PTPRD: variants seen among roughly 807,000 people sequenced by gnomAD.
The protein encoded by PTPRD is receptor-type tyrosine-protein phosphatase delta.
In PTPRD, 34 loss-of-function variants were observed where a neutral mutation model predicts 214.5. The ratio of observed to expected loss-of-function variants is 0.16; its 90% CI spans 0.12 to 0.21. The LOEUF is 0.21. Among genes scored for constraint, PTPRD ranks in the 10% least tolerant of loss-of-function variants. PTPRD has a pLI of 1.00. For synonymous variants in PTPRD, 1,128 were observed against 845.7 expected, an observed-to-expected ratio of 1.33 and a Z score of -5.79; for missense variants, 2,545 against 2,398.7, an observed-to-expected ratio of 1.06 and a Z score of -1.27.
rs1491417822 is a variant in PTPRD at position 10,487,967 on chromosome 9, T to TCTCC, written c.-600+124430_-600+124431insGGAG. 2.8e-3 allele frequency among the ~76,000 whole-genome samples: 16 copies of TCTCC among 5,706 alleles called. 1 individual carries two copies. Among genetic ancestry groups the TCTCC allele is most frequent in the African/African-American group, 5.3e-3 (16 of 3,010 alleles). 3.7% of individuals were successfully genotyped at this position (5,706 alleles called of 152,430 possible). A position where few individuals can be genotyped will look rare whatever the true frequency, so the allele number is the denominator to read the frequency against. On this transcript the variant is annotated intron_variant, in intron 2 of 45. Transcript: ENST00000381196. ...CTTAATTTCTCCCAAATGAACACAG[T>TCTCC]CTCTCTCTCTCTCTCTCTCTCTCTC...
chr9:10,133,619 A>AATAATAT (rs1304074129), intron 3 of PTPRD, among the ~76,000 whole-genome samples: 1 of 152,170 alleles, frequency 6.6e-6, no homozygotes, highest in African/African-American at 2.4e-5. Flanking sequence ...TATAGTATGA[A>AATAATAT]ATATAACTAT....
At chr9:9,635,594 A>G (rs1490716167) in intron 7 of PTPRD, among the ~76,000 whole-genome samples, 1 of 152,148 alleles carries the variant, frequency 6.6e-6, no homozygotes, top group African/African-American at 2.4e-5. Context: ...AGATTTAAGG[A>G]ACTCAAATGC....
At chr9:8,353,890 A>ATG (rs2076253124) in intron 39 of PTPRD, among the ~76,000 whole-genome samples, 1 of 108,142 alleles carries the variant, frequency 9.2e-6, no homozygotes, top group Admixed American at 8.3e-5. Context: ...ATGTGTATAT[A>ATG]TGTATATATG....
intron 11 of PTPRD, among the ~76,000 whole-genome samples, chr9:8,995,312 T>C (rs994902682): frequency 5.9e-5 from 9 of 152,054 alleles, no homozygotes; most frequent in Admixed American, 1.3e-4. Context: ...CATTGACCTA[T>C]TCACAAGTAA....
chr9:10,333,570 A>G (rs1427926078), intron 3 of PTPRD, among the ~76,000 whole-genome samples: 1 of 151,856 alleles, frequency 6.6e-6, no homozygotes, highest in African/African-American at 2.4e-5. Flanking sequence ...GTTTGAGAAT[A>G]TGGAAAGGCT....
In PTPRD at chr9:10,315,450, G is replaced by A. The variant is rs532094373; in HGVS notation, c.-545+25513C>T. On this transcript the variant is annotated intron_variant, in intron 3 of 45. Transcript: ENST00000381196. ...TTGGAATGTCTATATGAAACTATAG[G>A]TTTCATATATGAAACAATTAAACAA... Among the ~76,000 whole-genome samples the A allele has an allele frequency of 4.6e-5, 7 of 151,840 alleles. No individual in the cohort carries two copies. The South Asian group carries it at 1.2e-3, about 27-fold the overall frequency.
At chr9:8,953,997 A>T (rs951607883) in intron 11 of PTPRD, among the ~76,000 whole-genome samples, 10 of 151,984 alleles carry the variant, frequency 6.6e-5, no homozygotes, top group Admixed American at 4.6e-4. Context: ...TACTAGTTAT[A>T]TACCCAAAGT....
chr9:8,727,604 G>A (rs2098599072), intron 12 of PTPRD, among the ~76,000 whole-genome samples: 2 of 152,130 alleles, frequency 1.3e-5, no homozygotes, highest in African/African-American at 4.8e-5. Flanking sequence ...AAAGAACTAG[G>A]GTAAGCAGAA....
chr9:10,141,864 A>G (rs2154267800), intron 3 of PTPRD, among the ~76,000 whole-genome samples: 1 of 152,290 alleles, frequency 6.6e-6, no homozygotes, highest in African/African-American at 2.4e-5. Flanking sequence ...CTACAAGGCT[A>G]CAGTAACCAA....
chr9:10,561,739 T>C (rs1331185163), intron 2 of PTPRD, among the ~76,000 whole-genome samples: 1 of 152,144 alleles, frequency 6.6e-6, no homozygotes, highest in African/African-American at 2.4e-5. Context: ...ATAATCTTTC[T>C]GCACTCAATT....
At chr9:9,447,766 T>G (rs577619271) in intron 8 of PTPRD, among the ~76,000 whole-genome samples, 84 of 152,174 alleles carry the variant, frequency 5.5e-4, no homozygotes, top group Non-Finnish European at 1.0e-3. Flanking sequence ...GGTACCTCAG[T>G]ATGTGAAATA....
chr9:8,389,133 G>C (rs2088464619), intron 37 of PTPRD, 99 bp downstream of exon 37: 2 of 1,030,498 alleles, frequency 1.9e-6, no homozygotes, highest in Non-Finnish European at 2.8e-6. Flanking sequence ...AGAAAGATAA[G>C]CCTTAGGGAA....
intron 5 of PTPRD, among the ~76,000 whole-genome samples, chr9:9,865,412 T>A (rs1158130096): frequency 6.6e-6 from 1 of 152,140 alleles, no homozygotes; most frequent in Admixed American, 6.6e-5. Context: ...GGTGACTTTA[T>A]AAGGACAGAC....
At chr9:10,409,187 G>T (rs988477269) in intron 2 of PTPRD, among the ~76,000 whole-genome samples, 2 of 151,790 alleles carry the variant, frequency 1.3e-5, no homozygotes, top group African/African-American at 4.8e-5. Context: ...GAAAAAGTGT[G>T]CCAACTTCTG....
intron 5 of PTPRD, among the ~76,000 whole-genome samples, chr9:9,859,223 T>C (rs1451781443): frequency 1.3e-5 from 2 of 152,218 alleles, no homozygotes; most frequent in Non-Finnish European, 2.9e-5. Context: ...CCCAGCCATG[T>C]AGAACTAGAA....
intron 34 of PTPRD, among the ~76,000 whole-genome samples, chr9:8,437,899 C>G (rs928223024): frequency 1.1e-4 from 17 of 152,172 alleles, no homozygotes; most frequent in African/African-American, 3.6e-4. Flanking sequence ...TGTTTTCTCA[C>G]TTTTCATATG....
At chr9:10,310,570 G>A (rs2096241907) in intron 3 of PTPRD, among the ~76,000 whole-genome samples, 2 of 150,320 alleles carry the variant, frequency 1.3e-5, no homozygotes, top group South Asian at 4.1e-4. Context: ...TTCACTGAGA[G>A]TTAGAAAAAA....
rs1262528618 is a variant in PTPRD, at chr9:8,521,343, T to C, written c.895A>G (p.Asn299Asp). 1 of 1,613,868 alleles carries C rather than the reference T, an allele frequency of 6.2e-7. No homozygotes were observed. Among genetic ancestry groups the C allele is most frequent in the Non-Finnish European group, 8.5e-7 (1 of 1,179,920 alleles). Reference sequence around the variant, plus strand: ...GTTGACATAGCAACACAGGTGTAATTTGCTGACTGTCTTACATCATTCAGT... The same window carrying C: ...GTTGACATAGCAACACAGGTGTAATCTGCTGACTGTCTTACATCATTCAGT... Reference protein sequence around the residue: ...LELNDVRQSANYTCVAMSTLG... With the variant: ...LELNDVRQSADYTCVAMSTLG... The change falls in exon 20 of 46, where the codon AAT becomes GAT. Residue 299 changes from asparagine (N) to aspartate (D), a missense_variant. Transcript: ENST00000381196.
chr9:10,442,789 G>A lies in PTPRD; in HGVS notation c.-599-101772C>T, dbSNP rs74509636. On this transcript the variant is annotated intron_variant, in intron 2 of 45. Transcript: ENST00000381196. Reference sequence around the variant, plus strand: ...CTATAATGATAAGAAGTTAAAACTGGTAGTATTATGGTCCTATTTTTGCTT... The same window carrying A: ...CTATAATGATAAGAAGTTAAAACTGATAGTATTATGGTCCTATTTTTGCTT... 9.2e-5 allele frequency among the ~76,000 whole-genome samples: 14 copies of A among 151,556 alleles called. No homozygotes were observed. In the East Asian group the frequency reaches 2.7e-3, roughly 29 times the overall value.
Sources: gnomAD v4.1 joint callset for allele counts (sites outside exome capture counted in the v4.1 genomes callset) on GRCh38, gnomAD v4.1.1 for gene constraint, MANE v1.5 for transcripts, NCBI Gene and HGNC (gene_info 2026-07-23, HGNC 2026-07-21) for gene names.